Variants in RGPD8 observed in about 807,000 individuals in gnomAD.
RGPD8 encodes RANBP2-like and GRIP domain-containing protein 8.
A neutral mutation model predicts 89.1 loss-of-function variants in RGPD8; 15 were observed. The ratio of observed to expected loss-of-function variants is 0.17; its 90% CI spans 0.11 to 0.26. The LOEUF is 0.26. Among genes scored for constraint, RGPD8 ranks in the 10% least tolerant of loss-of-function variants. RGPD8 has a pLI of 1.00. For synonymous variants in RGPD8, 62 were observed against 420.9 expected (o/e 0.15, Z 10.44); for missense variants, 178 against 1,179.6 (o/e 0.15, Z 12.44).
chr2:112,430,360 C>A (rs916943698), intron 1 of RGPD8, among the ~76,000 whole-genome samples: 2 of 152,160 alleles, frequency 1.3e-5, no homozygotes, highest in African/African-American at 4.8e-5. Flanking sequence ...CCTAACTTTA[C>A]AGAATAGCTT....
rs1200037339 is a variant in RGPD8, at chr2:112,408,821, G to A, written c.979-2437C>T. Among the ~76,000 whole-genome samples the A allele has an allele frequency of 7.9e-5, 12 of 151,926 alleles. No homozygotes were observed. In the East Asian group the frequency reaches 1.5e-3, roughly 20 times the overall value. ...CAAGTAGCTGGGACTACAGGCACCC[G>A]CCACCATGCGTGGCTAATTTTTGTA... On this transcript the variant is annotated intron_variant, in intron 7 of 22. Transcript: ENST00000302558.
intron 21 of RGPD8, among the ~76,000 whole-genome samples, chr2:112,379,353 T>C (rs1441002197): frequency 1.3e-5 from 2 of 151,084 alleles, no homozygotes; most frequent in African/African-American, 2.4e-5. Flanking sequence ...TCCCAACACT[T>C]TGGGAGGCTG....
At chr2:112,429,327 A>G (rs961409113) in intron 1 of RGPD8, among the ~76,000 whole-genome samples, 1 of 148,198 alleles carries the variant, frequency 6.7e-6, no homozygotes, top group Non-Finnish European at 1.5e-5. Flanking sequence ...GGGGCAGGAG[A>G]ATGGCGTGAA....
intron 2 of RGPD8, among the ~76,000 whole-genome samples, chr2:112,423,925 T>C (rs1679649210): frequency 6.6e-6 from 1 of 152,240 alleles, no homozygotes; most frequent in Non-Finnish European, 1.5e-5. Context: ...GTATCAGATA[T>C]CTAACCAAAA....
At chr2:112,404,871 A>G in intron 8 of RGPD8, among the ~76,000 whole-genome samples, 1 of 145,124 alleles carries the variant, frequency 6.9e-6, no homozygotes, top group Non-Finnish European at 1.5e-5. Flanking sequence ...TCTCAGGAAA[A>G]AAAAAAAAAA....
At chr2:112,424,549 G>A (rs1171708464) in intron 1 of RGPD8, among the ~76,000 whole-genome samples, 9 of 151,954 alleles carry the variant, frequency 5.9e-5, no homozygotes, top group Middle Eastern at 3.4e-3. Context: ...GTGAAACCCC[G>A]TCTCTACAAA....
chr2:112,425,694 G>C (rs1398216400), intron 1 of RGPD8, among the ~76,000 whole-genome samples: 1 of 151,128 alleles, frequency 6.6e-6, no homozygotes, highest in African/African-American at 2.4e-5. Flanking sequence ...GGGAGGCAGA[G>C]GCTGCAGTGG....
chr2:112,416,534 T>G (rs1397821317), intron 6 of RGPD8, among the ~76,000 whole-genome samples: 1 of 149,372 alleles, frequency 6.7e-6, no homozygotes, highest in Non-Finnish European at 1.5e-5. Context: ...CCACAGACAA[T>G]ACATAAACAG....
In RGPD8 at chr2:112,433,558, T is replaced by C. The variant is rs1680163457; in HGVS notation, c.-105A>G. ...CCTGCAAGCCACTGAAGCAGCGGCG[T>C]AGCCGGCGGAGGCCCACTGTGACGA... On this transcript the variant is annotated 5_prime_UTR_variant, in exon 1 of 23. Coordinates refer to ENST00000302558, the MANE Select transcript of RGPD8 (RefSeq NM_001164463.1). 4 of 1,254,012 alleles carry C rather than the reference T, an allele frequency of 3.2e-6. No homozygotes were observed. In the African/African-American group the frequency reaches 4.6e-5, roughly 15 times the overall value. 77.7% of individuals were successfully genotyped at this position (1,254,012 alleles called of 1,614,324 possible). A position where few individuals can be genotyped will look rare whatever the true frequency, so the allele number is the denominator to read the frequency against.
At chr2:112,428,559 G>T (rs1411187331) in intron 1 of RGPD8, among the ~76,000 whole-genome samples, 1 of 150,210 alleles carries the variant, frequency 6.7e-6, no homozygotes, top group Admixed American at 6.7e-5. Context: ...GAAACAAAGG[G>T]TCTAACTCAG....
At chr2:112,416,088 C>CAAAAAAAAAAAAAAAAAA (rs1168507298) in intron 6 of RGPD8, among the ~76,000 whole-genome samples, 184 of 88,880 alleles carry the variant, frequency 2.1e-3, no homozygotes, top group African/African-American at 2.6e-3. Flanking sequence ...GACTCCATCT[C>CAAAAAAAAAAAAAAAAAA]AAAAAAAAAA....
Position 112,417,274 on chromosome 2 carries a change from T to G in RGPD8, c.701A>C (p.Asp234Ala), listed in dbSNP as rs1017778609. 1 of 1,610,420 alleles carries G rather than the reference T, an allele frequency of 6.2e-7. No individual in the cohort carries two copies. The highest frequency in any genetic ancestry group is 1.4e-5 in the African/African-American group (1 of 73,596). The stretch of plus-strand genomic sequence containing the variant: ...AAGATTAGCATAGGCCAGCAGTAAG[T>G]CTGTATTGGTTGCTCGCCAGTCACT... ...DKSDWRATNT[D>A]LLLAYANLML... The change falls in exon 6 of 23, where the codon GAC (aspartate) becomes GCC (alanine). Residue 234 changes from aspartate to alanine, a missense_variant. Coordinates refer to ENST00000302558, the MANE Select transcript of RGPD8 (RefSeq NM_001164463.1).
intron 22 of RGPD8, among the ~76,000 whole-genome samples, chr2:112,377,400 C>T (rs1228843221): frequency 1.5e-4 from 17 of 110,438 alleles, no homozygotes; most frequent in African/African-American, 4.4e-4. Flanking sequence ...TGCCTCAGCC[C>T]CCTGAGTAGC....
intron 22 of RGPD8, among the ~76,000 whole-genome samples, chr2:112,377,254 TGGAAACCAA>T (rs1678146850): frequency 1.2e-5 from 1 of 81,586 alleles, no homozygotes; most frequent in Admixed American, 1.3e-4. Flanking sequence ...CCATCTGACA[TGGAAACCAA>T]CTCTAACTAC....
At chr2:112,372,227 G>T (rs1336643627) in intron 22 of RGPD8, among the ~76,000 whole-genome samples, 1 of 6,532 alleles carries the variant, frequency 1.5e-4, no homozygotes, top group Admixed American at 1.5e-3. Context: ...AAGTGTGCAA[G>T]CAGAGAAGAC....
chr2:112,414,514 A>T lies in RGPD8; in HGVS notation c.783-1888T>A, dbSNP rs1405055431. Among the ~76,000 whole-genome samples the T allele has an allele frequency of 1.7e-5, 2 of 117,042 alleles. 1 individual carries two copies. Among genetic ancestry groups the T allele is most frequent in the African/African-American group, 7.4e-5 (2 of 26,938 alleles). 76.8% of individuals were successfully genotyped at this position (117,042 alleles called of 152,430 possible). ...AAAAAAGCTATTATTATTAACACAC[A>T]ATAGGGCTTATTACATTTTTAATGG... On this transcript the variant is annotated intron_variant, in intron 6 of 22. Transcript: ENST00000302558.
In RGPD8 at chr2:112,433,387, G is replaced by T; in HGVS notation, c.67C>A (p.Arg23=). 1 of 1,609,888 alleles carries T rather than the reference G, an allele frequency of 6.2e-7. No homozygotes were observed. The highest frequency in any genetic ancestry group is 8.5e-7 in the Non-Finnish European group (1 of 1,178,876). ...ASVLGLTPSP[R]QKSMKGFYFA... The stretch of plus-strand genomic sequence containing the variant: ...TCTCTTCCAGACCCACTCACCTGTC[G>T]AGGCGACGGGGTGAGACCCAGCACC... The change falls in exon 1 of 23, where the codon CGA becomes AGA. Residue 23 remains arginine, a synonymous_variant. Coordinates refer to ENST00000302558, the MANE Select transcript of RGPD8 (RefSeq NM_001164463.1).
At chr2:112,431,467 C>T (rs1382019533) in intron 1 of RGPD8, among the ~76,000 whole-genome samples, 1 of 152,152 alleles carries the variant, frequency 6.6e-6, no homozygotes, top group African/African-American at 2.4e-5. Context: ...AAATCAGACC[C>T]ACTGCCAAAA....
chr2:112,426,669 C>A (rs1319105402), intron 1 of RGPD8, among the ~76,000 whole-genome samples: 1 of 150,998 alleles, frequency 6.6e-6, no homozygotes. Context: ...GCTTAAATTA[C>A]AAAACCTTGC....
Sources: gnomAD v4.1 joint callset for allele counts (sites outside exome capture counted in the v4.1 genomes callset) on GRCh38, gnomAD v4.1.1 for gene constraint, MANE v1.5 for transcripts, NCBI Gene and HGNC (gene_info 2026-07-23, HGNC 2026-07-21) for gene names.